Variants in ANK1 observed in about 807,000 individuals in gnomAD.
ANK1 encodes ankyrin 1, also known as ankyrin-1.
A neutral mutation model predicts 210.4 loss-of-function variants in ANK1; 51 were observed. The observed-to-expected ratio is 0.24, with a 90% CI of 0.19 to 0.31. ANK1 has a LOEUF of 0.31. Among genes scored for constraint, ANK1 ranks in the 10% least tolerant of loss-of-function variants. The probability of loss-of-function intolerance (pLI) is 1.00; values close to 1 mark genes in which losing one functional copy is unlikely to be tolerated. For missense variants in ANK1, 2,051 were observed against 2,504.4 expected (o/e 0.82, Z 3.86); for synonymous variants, 967 against 1,025.9 (o/e 0.94, Z 1.10).
chr8:41,776,796 C>T (rs1396798169), intron 1 of ANK1, among the ~76,000 whole-genome samples: 3 of 152,260 alleles, frequency 2.0e-5, no homozygotes, highest in African/African-American at 7.2e-5. Flanking sequence ...AACAGGAAGA[C>T]AGGATCCTTC....
chr8:41,768,345 A>C (rs1421230984), intron 1 of ANK1, among the ~76,000 whole-genome samples: 1 of 152,168 alleles, frequency 6.6e-6, no homozygotes, highest in Non-Finnish European at 1.5e-5. Context: ...CACAGTCAAG[A>C]CACAATACCA....
intron 1 of ANK1, among the ~76,000 whole-genome samples, chr8:41,786,159 A>G (rs1489894361): frequency 2.6e-5 from 4 of 152,078 alleles, no homozygotes; most frequent in African/African-American, 9.7e-5. Flanking sequence ...CCAGGCTCTT[A>G]AATGCTTTTC....
intron 1 of ANK1, among the ~76,000 whole-genome samples, chr8:41,781,030 T>C (rs1211275355): frequency 1.3e-5 from 2 of 152,230 alleles, no homozygotes; most frequent in Non-Finnish European, 2.9e-5. Context: ...CTAGAAAACT[T>C]GTAAAATCCT....
intron 1 of ANK1, among the ~76,000 whole-genome samples, chr8:41,836,486 G>C (rs769429821): frequency 6.6e-6 from 1 of 152,174 alleles, no homozygotes; most frequent in Non-Finnish European, 1.5e-5. Context: ...CCTTGACACC[G>C]CCCAGCAATG....
At chr8:41,738,645 T>A (rs56919090) in intron 2 of ANK1, among the ~76,000 whole-genome samples, 2,683 of 152,334 alleles carry the variant, frequency 0.018, 97 homozygotes, top group African/African-American at 0.062. Context: ...CTATTTGTTC[T>A]TAGCTGTAAG....
chr8:41,873,155 G>T (rs1273450219), intron 1 of ANK1, among the ~76,000 whole-genome samples: 1 of 152,178 alleles, frequency 6.6e-6, no homozygotes, highest in Non-Finnish European at 1.5e-5. Context: ...CTATTTAAAA[G>T]ATTTGATGGA....
chr8:41,690,508 G>T lies in ANK1; in HGVS notation c.3950C>A (p.Ser1317Ter). ...CATGGCCAGACGGTTCTCCCGAAAT[G>T]ACTGGAAGTGGAAGCTCCGCTGCTG... ...AAQQRSFHFQ[S>*]FRENRLAMPV... Residue 1317 changes from serine to a stop codon, truncating the protein, a stop_gained, in exon 32 of 43, where the codon TCA becomes TAA. Transcript: ENST00000289734. LOFTEE classifies it high-confidence loss of function. The T allele has an allele frequency of 6.2e-7, 1 of 1,614,198 alleles. No individual in the cohort carries two copies. Among genetic ancestry groups the T allele is most frequent in the South Asian group, 1.1e-5 (1 of 91,078 alleles).
chr8:41,826,311 ACAGG>A (rs1354682884), intron 1 of ANK1, among the ~76,000 whole-genome samples: 2 of 152,064 alleles, frequency 1.3e-5, no homozygotes, highest in African/African-American at 4.8e-5. Context: ...CCCAGAGAAA[ACAGG>A]CTGGGGCTGT....
In ANK1 at chr8:41,723,520, C is replaced by G. The variant is rs375342007; in HGVS notation, c.810+15G>C. 139 of 1,613,862 alleles carry G rather than the reference C, an allele frequency of 8.6e-5. No homozygotes were observed. The highest frequency in any genetic ancestry group is 1.1e-4 in the Non-Finnish European group (135 of 1,179,928). ...TCCCTCCCCCTGCCTGGCTACAGCA[C>G]CTGCTGGCACCCACCTTGGTCTTGG... On this transcript the variant is annotated intron_variant, in intron 8 of 42. Coordinates refer to ENST00000289734, the MANE Select transcript of ANK1 (RefSeq NM_000037.4).
At chr8:41,895,478 A>T (rs572650746) in intron 1 of ANK1, among the ~76,000 whole-genome samples, 1 of 152,150 alleles carries the variant, frequency 6.6e-6, no homozygotes, top group East Asian at 1.9e-4. Context: ...GATCAGGGGT[A>T]AGAGGACCCC....
chr8:41,693,926 G>T lies in ANK1; in HGVS notation c.3504C>A (p.Thr1168=). Residue 1168 remains threonine, a synonymous_variant, in exon 29 of 43, where the codon ACC becomes ACA. Transcript: ENST00000289734. Reference sequence around the variant, plus strand: ...TGACGCTGCAAAGCAGGCGCAGGCTGGTGGTGTCTCCCTCCCCGCTGTCCC... The same window carrying T: ...TGACGCTGCAAAGCAGGCGCAGGCTTGTGGTGTCTCCCTCCCCGCTGTCCC... The part of the protein sequence containing the change: ...NPRDSGEGDT[T]SLRLLCSVIG... 1.2e-6 allele frequency: 2 copies of T among 1,612,624 alleles called. No homozygotes were observed. Among genetic ancestry groups the T allele is most frequent in the Middle Eastern group, 1.7e-4 (1 of 5,788 alleles).
Position 41,663,724 on chromosome 8 carries a change from T to G in ANK1, c.5413A>C (p.Ile1805Leu). 2 of 1,613,948 alleles carry G rather than the reference T, an allele frequency of 1.2e-6. No individual in the cohort carries two copies. The highest frequency in any genetic ancestry group is 1.7e-6 in the Non-Finnish European group (2 of 1,179,834). Residue 1805 changes from isoleucine (I) to leucine (L), a missense_variant, in exon 40 of 43, where the codon ATT becomes CTT. Coordinates refer to ENST00000289734, the MANE Select transcript of ANK1 (RefSeq NM_000037.4). ...QVVQGNEFQN[I>L]PGEQVTEEQF... is the part of the protein sequence containing the mutation. ...TCCTCTGTCACCTGCTCCCCTGGAA[T>G]ATTCTGAAACTCATTCCCCTGGAAT...
intron 1 of ANK1, among the ~76,000 whole-genome samples, chr8:41,823,878 G>A (rs16890851): frequency 0.027 from 4,037 of 152,202 alleles, 161 homozygotes; most frequent in African/African-American, 0.087. Context: ...GGCATTTATC[G>A]TTCAAGACAC....
At chr8:41,817,392 G>A (rs948512388) in intron 1 of ANK1, among the ~76,000 whole-genome samples, 3 of 152,208 alleles carry the variant, frequency 2.0e-5, no homozygotes, top group African/African-American at 7.2e-5. Context: ...TGAGGTTTGG[G>A]TACTGGTAAG....
chr8:41,844,329 G>T (rs1809598126), intron 1 of ANK1, among the ~76,000 whole-genome samples: 1 of 152,324 alleles, frequency 6.6e-6, no homozygotes, highest in East Asian at 1.9e-4. Flanking sequence ...TGGAGGTGTT[G>T]GCGAATGGGT....
At chr8:41,727,840 A>T in intron 4 of ANK1, 68 bp downstream of exon 4, 1 of 1,480,898 alleles carries the variant, frequency 6.8e-7, no homozygotes, top group Non-Finnish European at 9.4e-7. Flanking sequence ...TGGACCCACG[A>T]GGGAGCAGCA....
At chr8:41,772,554 A>C (rs1044987406) in intron 1 of ANK1, among the ~76,000 whole-genome samples, 1 of 152,238 alleles carries the variant, frequency 6.6e-6, no homozygotes, top group Non-Finnish European at 1.5e-5. Flanking sequence ...CTGCTTACCC[A>C]GGGTCAAACA....
At chr8:41,848,954 C>A (rs1377400107) in intron 1 of ANK1, among the ~76,000 whole-genome samples, 1 of 152,178 alleles carries the variant, frequency 6.6e-6, no homozygotes, top group Non-Finnish European at 1.5e-5. Context: ...GTGCGACCTG[C>A]CCCCATCCAC....
chr8:41,693,309 C>T, intron 29 of ANK1, 108 bp from the exon 30 acceptor site: 1 of 1,012,024 alleles, frequency 9.9e-7, no homozygotes, highest in Non-Finnish European at 1.5e-6. Context: ...GTGAAGCTCA[C>T]TTTGTCTGCA....
Sources: allele counts gnomAD v4.1 joint callset (sites outside exome capture counted in the v4.1 genomes callset), GRCh38; gene constraint gnomAD v4.1.1; transcripts MANE v1.5; gene names NCBI Gene and HGNC (gene_info 2026-07-23, HGNC 2026-07-21).